Variants in LARGE1 observed in about 807,000 individuals in gnomAD.
LARGE1 encodes LARGE xylosyl- and glucuronyltransferase 1.
In LARGE1, 43 loss-of-function variants were observed where a neutral mutation model predicts 87.6. The observed-to-expected ratio is 0.49, with a 90% CI of 0.38 to 0.63. The LOEUF is 0.63. LARGE1 is among the 30% of genes least tolerant of loss of function. LARGE1 has a pLI of 0.00. For missense variants in LARGE1, 802 were observed against 1,000.2 expected (o/e 0.80, Z 2.67); for synonymous variants, 434 against 394.6 (o/e 1.10, Z -1.18).
intron 1 of LARGE1, among the ~76,000 whole-genome samples, chr22:33,910,417 G>A (rs1174675153): frequency 2.0e-5 from 3 of 152,080 alleles, no homozygotes; most frequent in East Asian, 1.9e-4. Flanking sequence ...GTTTGGTGAC[G>A]CCTCCTCCTA....
chr22:33,583,016 C>T (rs1016392667), intron 5 of LARGE1, among the ~76,000 whole-genome samples: 3 of 152,232 alleles, frequency 2.0e-5, no homozygotes, highest in African/African-American at 7.2e-5. Context: ...AGTATGAGCA[C>T]ATGTCTACCT....
Position 33,564,837 on chromosome 22 carries a change from G to A in LARGE1, c.787+11C>T. 1 of 1,614,032 alleles carries A rather than the reference G, an allele frequency of 6.2e-7. No individual in the cohort carries two copies. The highest frequency in any genetic ancestry group is 8.5e-7 in the Non-Finnish European group (1 of 1,179,972). On this transcript the variant is annotated intron_variant, in intron 6 of 14. Coordinates refer to ENST00000397394, the MANE Select transcript of LARGE1 (RefSeq NM_133642.5). ...AGGATATCGGGGAAAAAACGAATGG[G>A]CTACCATTACCTTTGAACTTGTGGA...
intron 2 of LARGE1, among the ~76,000 whole-genome samples, chr22:33,721,639 G>T (rs2083100037): frequency 1.3e-5 from 2 of 152,158 alleles, no homozygotes; most frequent in Non-Finnish European, 2.9e-5. Flanking sequence ...TTATAAATTT[G>T]CCAAAGAATC....
chr22:33,381,058 A>G (rs927987818), intron 9 of LARGE1, among the ~76,000 whole-genome samples: 1 of 152,180 alleles, frequency 6.6e-6, no homozygotes, highest in Non-Finnish European at 1.5e-5. Context: ...CCTCTTGTGT[A>G]TTAGGGCTTC....
At chr22:33,734,715 C>T (rs1468807618) in intron 2 of LARGE1, among the ~76,000 whole-genome samples, 1 of 152,092 alleles carries the variant, frequency 6.6e-6, no homozygotes, top group Non-Finnish European at 1.5e-5. Context: ...GGCCTCAGCT[C>T]TGGTATAGGA....
chr22:33,209,996 T>C (rs1265573761), intron 11 of LARGE1, among the ~76,000 whole-genome samples: 1 of 152,122 alleles, frequency 6.6e-6, no homozygotes, highest in African/African-American at 2.4e-5. Context: ...TACTGGGGGA[T>C]TTTTCAAAAC....
At chr22:33,604,376 C>G in intron 5 of LARGE1, 59 bp downstream of exon 5, 1 of 1,611,156 alleles carries the variant, frequency 6.2e-7, no homozygotes, top group East Asian at 2.2e-5. Flanking sequence ...TGCTCAACCA[C>G]AAGTAATAAC....
At chr22:33,434,738 C>T (rs1044422182) in intron 6 of LARGE1, among the ~76,000 whole-genome samples, 2 of 152,186 alleles carry the variant, frequency 1.3e-5, no homozygotes, top group African/African-American at 4.8e-5. Flanking sequence ...GACAAATACT[C>T]TACGAGCTAC....
At chr22:33,089,377 T>TCTC in the LARGE1 span, among the ~76,000 whole-genome samples, 1 of 133,336 alleles carries the variant, frequency 7.5e-6, no homozygotes, top group Non-Finnish European at 1.6e-5. Flanking sequence ...TTCTCCTTCT[T>TCTC]CTTCTTCTTC....
chr22:33,078,596 A>G, the LARGE1 span, among the ~76,000 whole-genome samples: 3 of 152,344 alleles, frequency 2.0e-5, no homozygotes, highest in East Asian at 1.9e-4. Flanking sequence ...GTCTGACTCC[A>G]CAACCAATGC....
intron 11 of LARGE1, among the ~76,000 whole-genome samples, chr22:33,241,922 G>A (rs535183238): frequency 6.6e-6 from 1 of 152,150 alleles, no homozygotes; most frequent in South Asian, 2.1e-4. Flanking sequence ...AGAGGAATCA[G>A]CTTTAGTGAT....
chr22:33,285,248 A>G (rs898599706), intron 12 of LARGE1, among the ~76,000 whole-genome samples: 1 of 152,138 alleles, frequency 6.6e-6, no homozygotes, highest in African/African-American at 2.4e-5. Context: ...GAGATACAGA[A>G]AGCAGCCTTT....
chr22:33,797,021 C>A (rs1298749127), intron 1 of LARGE1, among the ~76,000 whole-genome samples: 1 of 152,120 alleles, frequency 6.6e-6, no homozygotes, highest in East Asian at 1.9e-4. Context: ...GCCTCAGCCT[C>A]CCAAAGTGCT....
At chr22:33,847,630 C>T (rs1335495544) in intron 1 of LARGE1, among the ~76,000 whole-genome samples, 3 of 152,214 alleles carry the variant, frequency 2.0e-5, no homozygotes, top group Non-Finnish European at 4.4e-5. Context: ...CAGTCCACTT[C>T]TAAGCAGTGG....
intron 11 of LARGE1, among the ~76,000 whole-genome samples, chr22:33,208,742 C>T (rs968465920): frequency 6.6e-6 from 1 of 152,146 alleles, no homozygotes; most frequent in Admixed American, 6.5e-5. Flanking sequence ...ACCAGACAGG[C>T]CATGGTATGT....
intron 10 of LARGE1, among the ~76,000 whole-genome samples, chr22:33,333,029 C>T (rs1479370160): frequency 8.4e-6 from 1 of 118,464 alleles, no homozygotes. Flanking sequence ...TTTTTTTGGA[C>T]GGAGTCTCAC....
chr22:33,280,964 G>A (rs1450230879), intron 13 of LARGE1, among the ~76,000 whole-genome samples: 3 of 152,184 alleles, frequency 2.0e-5, no homozygotes, highest in Admixed American at 1.3e-4. Context: ...TCCAGGGACC[G>A]CATTCTGGAG....
chr22:33,547,228 G>T (rs1409010897), intron 6 of LARGE1, among the ~76,000 whole-genome samples: 1 of 151,634 alleles, frequency 6.6e-6, no homozygotes, highest in African/African-American at 2.4e-5. Context: ...AAGGGTGGTG[G>T]GGGGGAGGGT....
intron 5 of LARGE1, among the ~76,000 whole-genome samples, chr22:33,603,727 C>A (rs1323696499): frequency 6.6e-6 from 1 of 152,128 alleles, no homozygotes; most frequent in Non-Finnish European, 1.5e-5. Flanking sequence ...TACGGGAATG[C>A]CAGTGACAAG....
Sources: gnomAD v4.1 joint callset for allele counts (sites outside exome capture counted in the v4.1 genomes callset) on GRCh38, gnomAD v4.1.1 for gene constraint, MANE v1.5 for transcripts, NCBI Gene and HGNC (gene_info 2026-07-23, HGNC 2026-07-21) for gene names.